Variants in ZFC3H1 observed in about 807,000 individuals in gnomAD.
ZFC3H1 encodes zinc finger C3H1-type containing.
In ZFC3H1, 71 loss-of-function variants were observed where a neutral mutation model predicts 243.7. That is an observed-to-expected ratio of 0.29 (90% CI 0.24 to 0.36). The LOEUF is 0.36. Among genes scored for constraint, ZFC3H1 ranks in the 10% least tolerant of loss-of-function variants. ZFC3H1 has a pLI of 1.00. For missense variants in ZFC3H1, 1,966 were observed against 2,317.1 expected, an observed-to-expected ratio of 0.85 and a Z score of 3.11; for synonymous variants, 838 against 813.0, an observed-to-expected ratio of 1.03 and a Z score of -0.52.
At chr12:71,654,146 A>T (rs562458332) in intron 2 of ZFC3H1, among the ~76,000 whole-genome samples, 1 of 152,292 alleles carries the variant, frequency 6.6e-6, no homozygotes, top group African/African-American at 2.4e-5. Flanking sequence ...AAGTCTAAAG[A>T]ATGTATTTAA....
intron 6 of ZFC3H1, among the ~76,000 whole-genome samples, chr12:71,641,724 C>G (rs1004235943): frequency 2.6e-5 from 4 of 152,142 alleles, no homozygotes; most frequent in Non-Finnish European, 5.9e-5. Flanking sequence ...AATTATCGTA[C>G]TAGAAAGAGA....
chr12:71,626,818 G>A (rs1230238849), intron 21 of ZFC3H1, among the ~76,000 whole-genome samples: 1 of 152,160 alleles, frequency 6.6e-6, no homozygotes, highest in Non-Finnish European at 1.5e-5. Context: ...CTCAAGGCCA[G>A]CTACTGCAAG....
intron 31 of ZFC3H1, among the ~76,000 whole-genome samples, chr12:71,612,516 G>A (rs1458000904): frequency 6.6e-6 from 1 of 152,000 alleles, no homozygotes; most frequent in Non-Finnish European, 1.5e-5. Context: ...TCTACAGATT[G>A]GCAGGCTTGC....
rs756591330 is a variant in ZFC3H1 at position 71,613,377 on chromosome 12, C to T, written c.5585G>A (p.Arg1862Gln). The change falls in exon 31 of 35, where the codon CGG becomes CAG. Residue 1862 changes from arginine (R) to glutamine (Q), a missense_variant. Arg to Gln is a conservative substitution (Grantham distance 43). This residue lies in a region of ZFC3H1 where 1,383 missense variants were observed against 1,723.7 expected (regional missense o/e 0.80). Coordinates refer to ENST00000378743, the MANE Select transcript of ZFC3H1 (RefSeq NM_144982.5). Reference protein sequence around the residue: ...PKTQHSKTLERFCSVMPANSG... With the variant: ...PKTQHSKTLEQFCSVMPANSG... ...ATTAGCTGGCATAACTGAACAAAAC[C>T]GTTCCAAGGTTTTGGAATGCTGGGT... is the stretch of plus-strand genomic sequence containing the variant. 16 of 1,609,904 alleles carry T rather than the reference C, an allele frequency of 9.9e-6. No individual in the cohort carries two copies. Among genetic ancestry groups the T allele is most frequent in the South Asian group, 6.6e-5 (6 of 90,458 alleles).
In ZFC3H1 at chr12:71,657,193, T is replaced by C. The variant is rs565720759; in HGVS notation, c.707A>G (p.Gln236Arg). 1 of 1,612,976 alleles carries C rather than the reference T, an allele frequency of 6.2e-7. No homozygotes were observed. Among genetic ancestry groups the C allele is most frequent in the East Asian group, 2.2e-5 (1 of 44,814 alleles). Residue 236 changes from glutamine to arginine, a missense_variant, in exon 2 of 35, where the codon CAG becomes CGG. By Grantham distance (43) the Gln-to-Arg change is conservative. This residue lies in a region of ZFC3H1 where 484 missense variants were observed against 449.7 expected (regional missense o/e 1.08). Coordinates refer to ENST00000378743, the MANE Select transcript of ZFC3H1 (RefSeq NM_144982.5). ...CTTATTGATGCATTCTAGTTCCAAC[T>C]GTATTTGTTTATACTTTAAAAGCAA... ...EDLLLKYKQI[Q>R]LELECINKDE...
chr12:71,642,499 T>C lies in ZFC3H1; in HGVS notation c.1564A>G (p.Ile522Val), dbSNP rs747518838. 2 of 1,613,750 alleles carry C rather than the reference T, an allele frequency of 1.2e-6. No homozygotes were observed. The highest frequency in any genetic ancestry group is 1.1e-5 in the South Asian group (1 of 90,968). The change falls in exon 6 of 35, where the codon ATT (isoleucine) becomes GTT (valine). Residue 522 changes from isoleucine (I) to valine (V), a missense_variant. Ile to Val is a conservative substitution (Grantham distance 29). Coordinates refer to ENST00000378743, the MANE Select transcript of ZFC3H1 (RefSeq NM_144982.5). ...TCTTCATAGTTATCATACTGATAAA[T>C]GCCTCCTCCACTATCAGTAGGTTGC... ...DKQPTDSGGG[I>V]YQYDNYEEVA...
rs1158019923 is a variant in ZFC3H1 at position 71,649,942 on chromosome 12, A to T, written c.1016-2129T>A. 4.6e-5 allele frequency among the ~76,000 whole-genome samples: 7 copies of T among 152,350 alleles called. No homozygotes were observed. The South Asian group carries it at 1.2e-3, about 27-fold the overall frequency. ...GGTGGCTCATGCCTGTAATCCCAGC[A>T]CTTTGGGAGGCCAAGGCGGGTGGAT... On this transcript the variant is annotated intron_variant, in intron 2 of 34. Coordinates refer to ENST00000378743, the MANE Select transcript of ZFC3H1 (RefSeq NM_144982.5).
At chr12:71,640,883 C>T (rs907618103) in intron 6 of ZFC3H1, among the ~76,000 whole-genome samples, 11 of 151,596 alleles carry the variant, frequency 7.3e-5, no homozygotes, top group African/African-American at 2.2e-4. Flanking sequence ...TTCCCCCGCC[C>T]GGCGAAAAAC....
rs773268937 is a variant in ZFC3H1 at position 71,644,832 on chromosome 12, A to G, written c.1279+45T>C. The G allele has an allele frequency of 2.5e-5, 40 of 1,585,414 alleles. No individual in the cohort carries two copies. The African/African-American group carries it at 4.5e-4, about 18-fold the overall frequency. The stretch of plus-strand genomic sequence containing the variant: ...AAACTCTGTCTCAAAAAACAAAAGA[A>G]AAGAAAACAAAACAAAAACACAAGA... On this transcript the variant is annotated intron_variant, in intron 4 of 34. Coordinates refer to ENST00000378743, the MANE Select transcript of ZFC3H1 (RefSeq NM_144982.5).
At chr12:71,637,810 A>T (rs1212716318) in intron 7 of ZFC3H1, among the ~76,000 whole-genome samples, 2 of 152,188 alleles carry the variant, frequency 1.3e-5, no homozygotes, top group Non-Finnish European at 2.9e-5. Context: ...CTACTGAGAG[A>T]TACTCAATTT....
chr12:71,661,195 C>T (rs1005378236), intron 1 of ZFC3H1, among the ~76,000 whole-genome samples: 15 of 151,516 alleles, frequency 9.9e-5, no homozygotes, highest in Admixed American at 2.6e-4. Flanking sequence ...CCCAGCTACT[C>T]GGGAGACTGA....
intron 6 of ZFC3H1, among the ~76,000 whole-genome samples, chr12:71,640,552 T>A (rs1361352352): frequency 6.6e-6 from 1 of 152,194 alleles, no homozygotes; most frequent in Non-Finnish European, 1.5e-5. Flanking sequence ...GCCTCAGAGC[T>A]TGGCTTTCCA....
At chr12:71,661,246 G>A (rs894275438) in intron 1 of ZFC3H1, among the ~76,000 whole-genome samples, 3 of 150,522 alleles carry the variant, frequency 2.0e-5, no homozygotes, top group Non-Finnish European at 4.4e-5. Context: ...CTTGCAGTGA[G>A]CCGAGATCAC....
chr12:71,625,941 CACTTA>C (rs1880153444), intron 22 of ZFC3H1, among the ~76,000 whole-genome samples: 1 of 152,068 alleles, frequency 6.6e-6, no homozygotes, highest in African/African-American at 2.4e-5. Flanking sequence ...GCAAAAGCTA[CACTTA>C]ACTTTGCCCA....
chr12:71,616,983 C>T (rs17109999), intron 27 of ZFC3H1, among the ~76,000 whole-genome samples: 8,607 of 152,224 alleles, frequency 0.057, 353 homozygotes, highest in South Asian at 0.087. Flanking sequence ...TGGCTATCTA[C>T]TTAATCTTCA....
At position 71,647,733 on chromosome 12, in the gene ZFC3H1, C is replaced by T. The variant is rs937220871; in HGVS notation, c.1080+16G>A. On this transcript the variant is annotated intron_variant, in intron 3 of 34. Transcript: ENST00000378743. ...GGGTCTTACAGAGATGATAGTCTCA[C>T]AAAGCAGTATCTTACCTTTTCAGAC... 1.4e-6 allele frequency: 2 copies of T among 1,438,052 alleles called. No homozygotes were observed. Among genetic ancestry groups the T allele is most frequent in the African/African-American group, 1.5e-5 (1 of 68,080 alleles). The allele number at this position is 1,438,052 out of a possible 1,614,324, so 89.1% of individuals were successfully genotyped here.
intron 27 of ZFC3H1, among the ~76,000 whole-genome samples, chr12:71,615,602 C>T (rs1879875799): frequency 6.6e-6 from 1 of 152,116 alleles, no homozygotes; most frequent in South Asian, 2.1e-4. Context: ...TTGCAACCTC[C>T]ACCTCCCAGG....
At chr12:71,637,150 C>A in intron 7 of ZFC3H1, 91 bp from the exon 8 acceptor site, 1 of 1,113,472 alleles carries the variant, frequency 9.0e-7, no homozygotes. Context: ...AAAAAATAAA[C>A]TTTACATTAT....
chr12:71,627,819 C>A lies in ZFC3H1; in HGVS notation c.4062G>T (p.Val1354=), dbSNP rs745386113. Residue 1354 remains valine (V), a synonymous_variant, in exon 21 of 35, where the codon GTG becomes GTT. Coordinates refer to ENST00000378743, the MANE Select transcript of ZFC3H1 (RefSeq NM_144982.5). Reference sequence around the variant, plus strand: ...GTTGTACATGAGAAGGATTTTCAAGCACACTTGCTTCTAAATTAGCGATGT... The same window carrying A: ...GTTGTACATGAGAAGGATTTTCAAGAACACTTGCTTCTAAATTAGCGATGT... ...TDDIANLEAS[V]LENPSHVQLW... is the part of the protein sequence containing the mutation. 2 of 1,613,730 alleles carry A rather than the reference C, an allele frequency of 1.2e-6. No homozygotes were observed. The highest frequency in any genetic ancestry group is 4.5e-5 in the East Asian group (2 of 44,842).
Sources: allele counts gnomAD v4.1 joint callset (sites outside exome capture counted in the v4.1 genomes callset), GRCh38; gene constraint gnomAD v4.1.1; regional missense constraint gnomAD v4.1.1; transcripts MANE v1.5; gene names NCBI Gene and HGNC (gene_info 2026-07-23, HGNC 2026-07-21).